CFAP299: variants seen among roughly 807,000 people sequenced by gnomAD.
The protein encoded by CFAP299 is cilia and flagella associated protein 299, also known as cilia- and flagella-associated protein 299.
A neutral mutation model predicts 27.0 loss-of-function variants in CFAP299; 21 were observed. The observed-to-expected ratio is 0.78, with a 90% CI of 0.55 to 1.12. The LOEUF (loss-of-function observed/expected upper bound fraction) is 1.12. Among genes scored for constraint, CFAP299 ranks in the 50% most tolerant of loss-of-function variants. The probability of loss-of-function intolerance (pLI) is 0.00; values close to 1 mark genes in which losing one functional copy is unlikely to be tolerated. For synonymous variants in CFAP299, 104 were observed against 98.1 expected, an observed-to-expected ratio of 1.06 and a Z score of -0.36; for missense variants, 310 against 276.6, an observed-to-expected ratio of 1.12 and a Z score of -0.86.
chr4:80,588,093 T>C (rs1311319928), intron 3 of CFAP299, among the ~76,000 whole-genome samples: 2 of 151,236 alleles, frequency 1.3e-5, no homozygotes, highest in African/African-American at 4.9e-5. Flanking sequence ...CAGAGAGCTC[T>C]GGAATATGAG....
At chr4:80,501,542 A>G (rs201882948) in intron 2 of CFAP299, among the ~76,000 whole-genome samples, 1 of 148,038 alleles carries the variant, frequency 6.8e-6, no homozygotes, top group Non-Finnish European at 1.5e-5. Flanking sequence ...TCATATGTAA[A>G]TATGTTAAGT....
chr4:80,345,498 C>G (rs1291102976), intron 1 of CFAP299, among the ~76,000 whole-genome samples: 1 of 139,862 alleles, frequency 7.1e-6, no homozygotes, highest in Non-Finnish European at 1.5e-5. Flanking sequence ...TTGTTCAGTT[C>G]CCTCCTTTGA....
chr4:80,721,447 T>TCTTC (rs1043801626), intron 3 of CFAP299, among the ~76,000 whole-genome samples: 9 of 152,208 alleles, frequency 5.9e-5, no homozygotes, highest in African/African-American at 2.2e-4. Flanking sequence ...CTTAACATCA[T>TCTTC]CTTCCCTCTG....
chr4:80,567,524 T>A (rs1241794153), intron 2 of CFAP299, among the ~76,000 whole-genome samples: 1 of 151,824 alleles, frequency 6.6e-6, no homozygotes, highest in Non-Finnish European at 1.5e-5. Context: ...TTAAGAATAG[T>A]TTACGAAAAA....
intron 2 of CFAP299, among the ~76,000 whole-genome samples, chr4:80,373,695 G>C (rs1371598662): frequency 6.6e-6 from 1 of 152,096 alleles, no homozygotes; most frequent in African/African-American, 2.4e-5. Context: ...TGGTCCTTAT[G>C]ATAATTACAA....
At chr4:80,360,373 G>A (rs1723482666) in intron 1 of CFAP299, among the ~76,000 whole-genome samples, 2 of 152,144 alleles carry the variant, frequency 1.3e-5, no homozygotes, top group South Asian at 4.1e-4. Context: ...TATGCTGGTG[G>A]GTACACGTCT....
chr4:80,822,492 G>T (rs1729759057), intron 3 of CFAP299, among the ~76,000 whole-genome samples: 1 of 152,128 alleles, frequency 6.6e-6, no homozygotes, highest in Non-Finnish European at 1.5e-5. Context: ...TAAGGAGCCT[G>T]CTCAGTATTT....
chr4:80,495,634 T>A (rs1336581183), intron 2 of CFAP299, among the ~76,000 whole-genome samples: 2 of 152,288 alleles, frequency 1.3e-5, no homozygotes, highest in African/African-American at 4.8e-5. Context: ...CCTATCTCTA[T>A]AAAAAATTTG....
At chr4:80,790,165 G>T (rs1171897476) in intron 3 of CFAP299, among the ~76,000 whole-genome samples, 2 of 151,926 alleles carry the variant, frequency 1.3e-5, no homozygotes, top group African/African-American at 4.8e-5. Context: ...CTATTTAAGG[G>T]TTTGAAAACC....
rs116517515 is a variant in CFAP299, at chr4:80,694,477, A to T, written c.333+111294A>T. 1.6e-3 allele frequency among the ~76,000 whole-genome samples: 242 copies of T among 152,354 alleles called. 2 individuals carry two copies. The highest frequency in any genetic ancestry group is 5.3e-3 in the African/African-American group (220 of 41,590). On this transcript the variant is annotated intron_variant, in intron 3 of 5. Coordinates refer to ENST00000358105, the MANE Select transcript of CFAP299 (RefSeq NM_152770.3). ...TGCTCTCAACTTTGATGACTAACATAGTTTCAAAGAAGATGACTTAACAAA... is the reference window on the plus strand; with the variant it reads ...TGCTCTCAACTTTGATGACTAACATTGTTTCAAAGAAGATGACTTAACAAA...
intron 3 of CFAP299, among the ~76,000 whole-genome samples, chr4:80,665,978 G>A (rs958007528): frequency 1.3e-5 from 2 of 152,064 alleles, no homozygotes; most frequent in Non-Finnish European, 2.9e-5. Flanking sequence ...CCCAGAAGCA[G>A]AAACCACTAT....
chr4:80,822,056 A>G (rs2110124880), intron 3 of CFAP299, among the ~76,000 whole-genome samples: 1 of 152,324 alleles, frequency 6.6e-6, no homozygotes, highest in African/African-American at 2.4e-5. Flanking sequence ...TTGTATCCCA[A>G]GCACTTGGAC....
At chr4:80,473,248 G>T (rs971276930) in intron 2 of CFAP299, among the ~76,000 whole-genome samples, 1 of 152,046 alleles carries the variant, frequency 6.6e-6, no homozygotes, top group Non-Finnish European at 1.5e-5. Context: ...GATGAGTAGC[G>T]ATCAGCCAGG....
intron 3 of CFAP299, among the ~76,000 whole-genome samples, chr4:80,853,019 TTTTATTTA>T (rs149748143): frequency 4.6e-5 from 7 of 151,322 alleles, no homozygotes; most frequent in African/African-American, 1.5e-4. Flanking sequence ...TTTATTTTCT[TTTTATTTA>T]TTTATTTATT....
intron 3 of CFAP299, among the ~76,000 whole-genome samples, chr4:80,829,451 T>C (rs568030513): frequency 1.2e-4 from 18 of 152,130 alleles, no homozygotes; most frequent in African/African-American, 3.6e-4. Flanking sequence ...TGTGGAGAAA[T>C]TGGAACTCTT....
At chr4:80,566,652 G>T (rs552889151) in intron 2 of CFAP299, among the ~76,000 whole-genome samples, 2 of 152,102 alleles carry the variant, frequency 1.3e-5, no homozygotes, top group African/African-American at 4.8e-5. Flanking sequence ...GATGGAGAGG[G>T]ACCTGGAGGC....
intron 2 of CFAP299, among the ~76,000 whole-genome samples, chr4:80,481,364 C>G (rs1479940734): frequency 6.6e-6 from 1 of 152,020 alleles, no homozygotes; most frequent in African/African-American, 2.4e-5. Flanking sequence ...ATTTTAAAAT[C>G]TATTTATATT....
At chr4:80,631,884 A>C in intron 3 of CFAP299, among the ~76,000 whole-genome samples, 1 of 91,964 alleles carries the variant, frequency 1.1e-5, no homozygotes, top group African/African-American at 3.5e-5. Flanking sequence ...AACCAAATTC[A>C]TATGTTAACA....
intron 2 of CFAP299, among the ~76,000 whole-genome samples, chr4:80,406,667 G>GC (rs1198125313): frequency 6.6e-6 from 1 of 152,088 alleles, no homozygotes; most frequent in Non-Finnish European, 1.5e-5. Flanking sequence ...ACTGTGCCCA[G>GC]CCCCTAGTAC....
Sources: gnomAD v4.1 joint callset for allele counts (sites outside exome capture counted in the v4.1 genomes callset) on GRCh38, gnomAD v4.1.1 for gene constraint, MANE v1.5 for transcripts, NCBI Gene and HGNC (gene_info 2026-07-23, HGNC 2026-07-21) for gene names.